Variants in NOP53 observed in about 807,000 individuals in gnomAD.
The protein encoded by NOP53 is ribosome biogenesis protein NOP53.
In NOP53, 40 loss-of-function variants were observed where a neutral mutation model predicts 61.0. The observed-to-expected ratio is 0.66, with a 90% CI of 0.51 to 0.85. The LOEUF (loss-of-function observed/expected upper bound fraction) is 0.85. NOP53 is among the 40% of genes least tolerant of loss of function. NOP53 has a pLI of 0.00. For missense variants in NOP53, 689 were observed against 652.9 expected (o/e 1.06, Z -0.60); for synonymous variants, 308 against 289.5 (o/e 1.06, Z -0.65).
intron 1 of NOP53, 57 bp downstream of exon 1, chr19:47,745,840 C>CA (rs1967055451): frequency 4.5e-6 from 4 of 880,554 alleles, no homozygotes; most frequent in Non-Finnish European, 5.8e-6. Context: ...GGTGCAAGGC[C>CA]AGGCGTGCTT....
chr19:47,750,315 C>T, intron 3 of NOP53, 29 bp downstream of exon 3: 1 of 1,376,470 alleles, frequency 7.3e-7, no homozygotes, highest in Non-Finnish European at 1.0e-6. Flanking sequence ...CTGGGCCCTT[C>T]TTTCCCACCA....
intron 6 of NOP53, 165 bp downstream of exon 6, chr19:47,752,772 T>C: frequency 1.8e-6 from 1 of 569,668 alleles, no homozygotes; most frequent in Non-Finnish European, 3.2e-6. Flanking sequence ...CAGACAGTGA[T>C]GGGCAGAGTG....
chr19:47,752,119 T>A (rs1020713715), intron 5 of NOP53, among the ~76,000 whole-genome samples: 50 of 143,954 alleles, frequency 3.5e-4, no homozygotes, highest in Non-Finnish European at 4.9e-4. Context: ...AAAAAAAAAA[T>A]AAAATAAAAT....
intron 4 of NOP53, 103 bp downstream of exon 4, chr19:47,751,210 G>A (rs541751579): frequency 8.7e-7 from 1 of 1,155,186 alleles, no homozygotes; most frequent in South Asian, 1.4e-5. Context: ...GGAGTGCTTT[G>A]TGGGTGCTTT....
chr19:47,750,087 G>T lies in NOP53; in HGVS notation c.290-91G>T. The T allele has an allele frequency of 3.8e-6, 3 of 785,276 alleles. No individual in the cohort carries two copies. In the South Asian group the frequency reaches 4.5e-5, roughly 12 times the overall value. The allele number at this position is 785,276 out of a possible 1,614,324, so 48.6% of individuals were successfully genotyped here. A position where few individuals can be genotyped will look rare whatever the true frequency, so the allele number is the denominator to read the frequency against. Reference sequence around the variant, plus strand: ...TCTCCTGGGGTGACTTGGGATTCAGGTCTGATGGCTCCCATGGAGGTGAAT... The same window carrying T: ...TCTCCTGGGGTGACTTGGGATTCAGTTCTGATGGCTCCCATGGAGGTGAAT... On this transcript the variant is annotated intron_variant, in intron 2 of 12. Coordinates refer to ENST00000246802, the MANE Select transcript of NOP53 (RefSeq NM_015710.5).
At chr19:47,751,736 C>G in intron 5 of NOP53, 146 bp downstream of exon 5, 1 of 687,036 alleles carries the variant, frequency 1.5e-6, no homozygotes, top group African/African-American at 1.8e-5. Flanking sequence ...GCTGGGATTC[C>G]TGTCCCAGCT....
At chr19:47,755,851 CGTGCCCA>C in intron 10 of NOP53, 29 bp downstream of exon 10, 1 of 1,574,114 alleles carries the variant, frequency 6.4e-7, no homozygotes, top group Non-Finnish European at 8.7e-7. Context: ...CGTGGAGCCC[CGTGCCCA>C]GTGATGACAC....
At chr19:47,755,877 C>G (rs1371734266) in intron 10 of NOP53, 55 bp downstream of exon 10, 2 of 1,450,278 alleles carry the variant, frequency 1.4e-6, no homozygotes, top group Non-Finnish European at 1.9e-6. Context: ...ACCATCCTTG[C>G]TCCCCGTGCC....
rs757604840 is a variant in NOP53, at chr19:47,745,546, C to T, written c.-14C>T. Reference sequence around the variant, plus strand: ...TTTTTGGGACGCCAGTGGCTGAGTTCTTCCTTTGACAAGATGGCGGCAGGA... The same window carrying T: ...TTTTTGGGACGCCAGTGGCTGAGTTTTTCCTTTGACAAGATGGCGGCAGGA... On this transcript the variant is annotated 5_prime_UTR_variant, in exon 1 of 13. Coordinates refer to ENST00000246802, the MANE Select transcript of NOP53 (RefSeq NM_015710.5). 1.7e-5 allele frequency: 27 copies of T among 1,611,828 alleles called. No individual in the cohort carries two copies. The highest frequency in any genetic ancestry group is 1.6e-4 in the South Asian group (15 of 90,996).
intron 2 of NOP53, among the ~76,000 whole-genome samples, chr19:47,748,371 A>G (rs956155077): frequency 1.3e-5 from 2 of 152,126 alleles, no homozygotes; most frequent in Non-Finnish European, 2.9e-5. Context: ...CTGGTGAGTA[A>G]TAGTGTTTAC....
At chr19:47,746,010 CAATT>C in intron 1 of NOP53, 1 of 487,296 alleles carries the variant, frequency 2.1e-6, no homozygotes, top group Non-Finnish European at 3.6e-6. Flanking sequence ...ACAGGACGCT[CAATT>C]AAATTTGGAT....
intron 2 of NOP53, among the ~76,000 whole-genome samples, chr19:47,749,379 T>C (rs773123765): frequency 1.3e-5 from 2 of 152,072 alleles, no homozygotes; most frequent in Admixed American, 6.6e-5. Flanking sequence ...ACAAAGATCA[T>C]AGTGGTTGTG....
Position 47,754,891 on chromosome 19 carries a change from G to C in NOP53, c.1053G>C (p.Leu351=). 6.6e-7 allele frequency: 1 copy of C among 1,504,546 alleles called. No homozygotes were observed. Among genetic ancestry groups the C allele is most frequent in the Non-Finnish European group, 8.8e-7 (1 of 1,138,030 alleles). The allele number at this position is 1,504,546 out of a possible 1,614,324, so 93.2% of individuals were successfully genotyped here. A position where few individuals can be genotyped will look rare whatever the true frequency, so the allele number is the denominator to read the frequency against. ...QRRREKAVHR[L]RVQQAALRAA... is the part of the protein sequence containing the mutation. ...GGCGGGAGAAGGCTGTGCACAGGCT[G>C]GTGAGCGCCTGGGCCAGCGGGGCCT... The change falls in exon 8 of 13, where the codon CTG becomes CTC. Residue 351 remains leucine (L), a splice_region_variant and synonymous_variant. Coordinates refer to ENST00000246802, the MANE Select transcript of NOP53 (RefSeq NM_015710.5). This position sits in a 1 kb window ranked among gnomAD's most constrained non-coding sequence, Gnocchi z 4.2.
chr19:47,746,153 T>A (rs1395460313), intron 1 of NOP53: 11 of 201,050 alleles, frequency 5.5e-5, no homozygotes, highest in Admixed American at 4.7e-4. Flanking sequence ...TATGTGTGTA[T>A]ATATATATGT....
chr19:47,755,615 AC>A (rs939464617), intron 9 of NOP53, 92 bp downstream of exon 9: 369 of 1,312,136 alleles, frequency 2.8e-4, no homozygotes, highest in African/African-American at 3.3e-4. Context: ...GGAACTGCCC[AC>A]CCCCCCCATC....
rs745893307 is a variant in NOP53, at chr19:47,754,547, C to T, written c.786C>T (p.His262=). The change falls in exon 7 of 13, where the codon CAC becomes CAT. Residue 262 remains histidine, a synonymous_variant. Coordinates refer to ENST00000246802, the MANE Select transcript of NOP53 (RefSeq NM_015710.5). The surrounding 1 kb of genome is among the most constrained non-coding windows in gnomAD (Gnocchi z 4.2). ...CTCAGACCCTGCTCTCAGCGGCCCA[C>T]GAGGTGGAGTTGCAGCGGCAGAAGG... ...EDHQTLLSAA[H]EVELQRQKEA... is the part of the protein sequence containing the mutation. 5.7e-5 allele frequency: 89 copies of T among 1,551,386 alleles called. No homozygotes were observed. Among genetic ancestry groups the T allele is most frequent in the Middle Eastern group, 4.6e-4 (2 of 4,394 alleles).
intron 5 of NOP53, 70 bp from the exon 6 acceptor site, chr19:47,752,442 C>G: frequency 1.1e-6 from 1 of 951,532 alleles, no homozygotes; most frequent in Non-Finnish European, 1.7e-6. Context: ...GCATCTGCCC[C>G]ATGGCTGTGT....
intron 10 of NOP53, chr19:47,756,289 TGTC>T: frequency 3.5e-6 from 2 of 578,636 alleles, no homozygotes; most frequent in East Asian, 2.8e-5. Flanking sequence ...CCCTTTTCTG[TGTC>T]GTCACCAGCC....
chr19:47,745,879 GGGGT>G lies in NOP53; in HGVS notation c.224+97_224+100del. 6.7e-6 allele frequency: 2 copies of G among 299,954 alleles called. 1 individual carries two copies. The highest frequency in any genetic ancestry group is 1.3e-5 in the Non-Finnish European group (2 of 150,916). 18.6% of individuals were successfully genotyped at this position (299,954 alleles called of 1,614,324 possible). On this transcript the variant is annotated intron_variant, in intron 1 of 12. Transcript: ENST00000246802. ...TGGACTCGTCGGGGGTCGGGGGTCGGGGGTCGGGGGTTGGGGGCTCCTGTCCCGG... is the reference window on the plus strand; with the variant it reads ...TGGACTCGTCGGGGGTCGGGGGTCGGCGGGGGTTGGGGGCTCCTGTCCCGG...
Sources: allele counts gnomAD v4.1 joint callset (sites outside exome capture counted in the v4.1 genomes callset), GRCh38; gene constraint gnomAD v4.1.1; non-coding constraint Gnocchi (gnomAD v3.1); transcripts MANE v1.5; gene names NCBI Gene and HGNC (gene_info 2026-07-23, HGNC 2026-07-21).